VPS8: variants seen among roughly 807,000 people sequenced by gnomAD.
VPS8 encodes the protein vacuolar protein sorting-associated protein 8 homolog.
VPS8 carries 129 observed loss-of-function variants against 216.4 expected under a neutral mutation model. The ratio of observed to expected loss-of-function variants is 0.60; its 90% CI spans 0.52 to 0.69. VPS8 has a LOEUF of 0.69. Among genes scored for constraint, VPS8 ranks in the 30% least tolerant of loss-of-function variants. The pLI, the probability that VPS8 is intolerant of heterozygous loss-of-function variation, is 0.00. For missense variants in VPS8, 1,531 were observed against 1,683.5 expected, an observed-to-expected ratio of 0.91 and a Z score of 1.59; for synonymous variants, 571 against 565.4, an observed-to-expected ratio of 1.01 and a Z score of -0.14.
At chr3:184,981,474 C>T (rs1325030121) in intron 40 of VPS8, among the ~76,000 whole-genome samples, 1 of 147,044 alleles carries the variant, frequency 6.8e-6, no homozygotes, top group East Asian at 2.0e-4. Flanking sequence ...GCTCTTCTTG[C>T]CCAGGCTGCA....
chr3:184,925,262 C>T (rs1739376129), intron 30 of VPS8, among the ~76,000 whole-genome samples: 1 of 152,190 alleles, frequency 6.6e-6, no homozygotes, highest in Non-Finnish European at 1.5e-5. Context: ...GAATCTCCCC[C>T]ATCTCACTGG....
chr3:184,863,183 GT>G (rs1726693391), intron 16 of VPS8, 116 bp downstream of exon 16: 10 of 1,253,998 alleles, frequency 8.0e-6, no homozygotes, highest in Middle Eastern at 5.6e-4. Context: ...GTCTTGAGGT[GT>G]TTCTTTACAA....
intron 5 of VPS8, among the ~76,000 whole-genome samples, chr3:184,836,967 A>C (rs923559803): frequency 6.6e-6 from 1 of 152,202 alleles, no homozygotes; most frequent in Non-Finnish European, 1.5e-5. Flanking sequence ...TTTATGATCA[A>C]CTTGAAAATA....
At chr3:184,969,379 G>A (rs1337420681) in intron 39 of VPS8, among the ~76,000 whole-genome samples, 1 of 138,488 alleles carries the variant, frequency 7.2e-6, no homozygotes. Context: ...GCCTCCCAAA[G>A]TGCTGGGATT....
intron 14 of VPS8, among the ~76,000 whole-genome samples, chr3:184,856,136 A>G (rs1222401484): frequency 6.6e-6 from 1 of 152,238 alleles, no homozygotes; most frequent in African/African-American, 2.4e-5. Flanking sequence ...AATGACAGCA[A>G]GTATCATTGA....
intron 45 of VPS8, among the ~76,000 whole-genome samples, chr3:185,020,484 T>G (rs78920767): frequency 6.6e-6 from 1 of 150,406 alleles, no homozygotes; most frequent in Non-Finnish European, 1.5e-5. Flanking sequence ...TTTTTTTTTT[T>G]GCATTTAAAA....
intron 20 of VPS8, 38 bp from the exon 21 acceptor site, chr3:184,870,678 T>G (rs377748628): frequency 2.5e-4 from 367 of 1,479,380 alleles, no homozygotes; most frequent in Non-Finnish European, 3.0e-4. Flanking sequence ...ACTTTAGAGA[T>G]ATATTTTAAT....
At chr3:184,930,750 A>G (rs960015160) in intron 34 of VPS8, among the ~76,000 whole-genome samples, 182 bp downstream of exon 34, 4 of 152,210 alleles carry the variant, frequency 2.6e-5, no homozygotes, top group Non-Finnish European at 4.4e-5. Flanking sequence ...CATGCAATCT[A>G]TTACATCATG....
At chr3:184,842,246 C>T (rs1302814738) in intron 7 of VPS8, among the ~76,000 whole-genome samples, 1 of 146,532 alleles carries the variant, frequency 6.8e-6, no homozygotes, top group Non-Finnish European at 1.5e-5. Flanking sequence ...TCAAGTATAG[C>T]TTACTGCAAA....
At chr3:184,869,443 C>T in intron 19 of VPS8, 39 bp from the exon 20 acceptor site, 1 of 1,607,136 alleles carries the variant, frequency 6.2e-7, no homozygotes, top group Non-Finnish European at 8.5e-7. Flanking sequence ...AAGATGTGGA[C>T]TAACTTTTGT....
intron 46 of VPS8, among the ~76,000 whole-genome samples, chr3:185,047,649 G>T (rs144725969): frequency 6.6e-6 from 1 of 152,276 alleles, no homozygotes; most frequent in African/African-American, 2.4e-5. Flanking sequence ...CTGAGCCCTC[G>T]CCTGGTACTA....
chr3:184,870,616 A>T (rs912032925), intron 20 of VPS8, 100 bp from the exon 21 acceptor site: 2 of 941,986 alleles, frequency 2.1e-6, no homozygotes, highest in Non-Finnish European at 3.1e-6. Context: ...TTAAATTTTA[A>T]TAACAAATTC....
At chr3:184,851,835 T>C (rs1378376204) in intron 10 of VPS8, among the ~76,000 whole-genome samples, 1 of 152,148 alleles carries the variant, frequency 6.6e-6, no homozygotes, top group Non-Finnish European at 1.5e-5. Context: ...ATGGTACAAG[T>C]TCAGTTTATT....
intron 13 of VPS8, among the ~76,000 whole-genome samples, chr3:184,854,654 G>T (rs1724911834): frequency 6.6e-6 from 1 of 152,116 alleles, no homozygotes; most frequent in Admixed American, 6.6e-5. Flanking sequence ...GTTTTTACAT[G>T]GCTGCTGTGC....
chr3:184,909,472 C>T (rs1013821228), intron 25 of VPS8, among the ~76,000 whole-genome samples: 3 of 152,102 alleles, frequency 2.0e-5, no homozygotes, highest in African/African-American at 7.2e-5. Flanking sequence ...CTGTTTTTCA[C>T]CTTGGATGAT....
intron 42 of VPS8, among the ~76,000 whole-genome samples, chr3:184,985,580 A>G (rs1009784606): frequency 2.6e-5 from 4 of 152,162 alleles, no homozygotes; most frequent in African/African-American, 4.8e-5. Flanking sequence ...CTACATTTCT[A>G]TACTTAATCT....
intron 21 of VPS8, chr3:184,882,278 G>GA (rs1730401681): frequency 2.4e-6 from 1 of 414,656 alleles, no homozygotes; most frequent in Non-Finnish European, 4.8e-6. Flanking sequence ...GGGTTTTCAT[G>GA]AATGGATATT....
chr3:184,881,781 T>C (rs1469435088), intron 21 of VPS8, among the ~76,000 whole-genome samples: 1 of 152,116 alleles, frequency 6.6e-6, no homozygotes, highest in East Asian at 1.9e-4. Flanking sequence ...ATTTCACTTT[T>C]TTTGTAATTT....
chr3:184,901,734 C>A (rs1734521059), intron 25 of VPS8, among the ~76,000 whole-genome samples: 1 of 152,092 alleles, frequency 6.6e-6, no homozygotes, highest in African/African-American at 2.4e-5. Context: ...TGTTCTCTTA[C>A]CCTCCATTCC....
Sources: gnomAD v4.1 joint callset for allele counts (sites outside exome capture counted in the v4.1 genomes callset) on GRCh38, gnomAD v4.1.1 for gene constraint, MANE v1.5 for transcripts, NCBI Gene and HGNC (gene_info 2026-07-23, HGNC 2026-07-21) for gene names.